Variants in IFT74 observed in about 807,000 individuals in gnomAD.
The protein encoded by IFT74 is intraflagellar transport 74.
In IFT74, 92 loss-of-function variants were observed where a neutral mutation model predicts 96.7. The observed-to-expected ratio is 0.95, with a 90% CI of 0.80 to 1.13. The LOEUF is 1.13. Ranked by LOEUF, IFT74 falls within the 50% of genes most tolerant of loss-of-function variation. IFT74 has a pLI of 0.00. For missense variants in IFT74, 811 were observed against 698.2 expected, an observed-to-expected ratio of 1.16 and a Z score of -1.82; for synonymous variants, 223 against 213.2, an observed-to-expected ratio of 1.05 and a Z score of -0.40.
chr9:27,045,275 G>A (rs996685940), intron 14 of IFT74, among the ~76,000 whole-genome samples: 1 of 152,126 alleles, frequency 6.6e-6, no homozygotes, highest in Admixed American at 6.6e-5. Flanking sequence ...GATGATCTCA[G>A]GTAGAACAGT....
At chr9:27,024,974 TAAAA>T (rs753094409) in intron 12 of IFT74, among the ~76,000 whole-genome samples, 3 of 130,846 alleles carry the variant, frequency 2.3e-5, no homozygotes, top group East Asian at 4.5e-4. Flanking sequence ...AAAAAAGAAT[TAAAA>T]AAAAAAAAAA....
chr9:27,052,923 CGCGATTTTG>C (rs1356175630), intron 16 of IFT74, among the ~76,000 whole-genome samples: 1 of 151,974 alleles, frequency 6.6e-6, no homozygotes, highest in Non-Finnish European at 1.5e-5. Context: ...AGTGCAGTGG[CGCGATTTTG>C]GCTCACTGCA....
At chr9:26,972,226 C>A (rs1826911731) in intron 2 of IFT74, among the ~76,000 whole-genome samples, 1 of 152,094 alleles carries the variant, frequency 6.6e-6, no homozygotes, top group African/African-American at 2.4e-5. Context: ...TGGTCTTATA[C>A]TTTAAAATTC....
intron 12 of IFT74, among the ~76,000 whole-genome samples, chr9:27,025,652 A>ATAGGAGATT (rs1394970895): frequency 3.3e-5 from 5 of 152,126 alleles, no homozygotes. Context: ...CTTAGCAGAA[A>ATAGGAGATT]CCCTACAAGC....
intron 8 of IFT74, among the ~76,000 whole-genome samples, chr9:26,998,895 G>A (rs1162438983): frequency 6.6e-6 from 1 of 152,122 alleles, no homozygotes; most frequent in Non-Finnish European, 1.5e-5. Context: ...TTGGGAGGCT[G>A]AGGCAGGATA....
Position 27,016,994 on chromosome 9 carries a change from G to C in IFT74, c.877G>C (p.Ala293Pro). 1.9e-6 allele frequency: 3 copies of C among 1,610,874 alleles called. No individual in the cohort carries two copies. The highest frequency in any genetic ancestry group is 2.5e-6 in the Non-Finnish European group (3 of 1,178,428). Reference sequence around the variant, plus strand: ...GGAGTCCCATCGAGATCAAATGATTGCAGAAGACAAAAGCATAGGATCTCC... The same window carrying C: ...GGAGTCCCATCGAGATCAAATGATTCCAGAAGACAAAAGCATAGGATCTCC... ...ELESHRDQMIAEDKSIGSPME... is the reference protein window; with the variant it reads ...ELESHRDQMIPEDKSIGSPME... Residue 293 changes from alanine to proline, a missense_variant, in exon 11 of 20, where the codon GCA becomes CCA. Ala to Pro is a conservative substitution (Grantham distance 27, BLOSUM62 -1). Coordinates refer to ENST00000380062, the MANE Select transcript of IFT74 (RefSeq NM_025103.4).
At position 27,064,733 on chromosome 9, in the gene IFT74, C is replaced by CT. The variant is rs1820556467; in HGVS notation, c.*2002dup. 6.6e-6 allele frequency among the ~76,000 whole-genome samples: 1 copy of CT among 151,940 alleles called. No individual in the cohort carries two copies. Among genetic ancestry groups the CT allele is most frequent in the Non-Finnish European group, 1.5e-5 (1 of 67,930 alleles). On this transcript the variant is annotated 3_prime_UTR_variant, in exon 20 of 20. Coordinates refer to ENST00000380062, the MANE Select transcript of IFT74 (RefSeq NM_025103.4). ...TTGAAAGCAAATTTAAATGCCTTTA[C>CT]TTTTTCCTTAGGTTTTTTTTTATGA...
chr9:27,016,027 A>G (rs1199170471), intron 10 of IFT74, among the ~76,000 whole-genome samples: 3 of 152,128 alleles, frequency 2.0e-5, no homozygotes, highest in Non-Finnish European at 4.4e-5. Context: ...GTACACAGTA[A>G]CTGTTATTTC....
chr9:26,964,337 A>C (rs1298847411), intron 2 of IFT74, among the ~76,000 whole-genome samples: 3 of 149,538 alleles, frequency 2.0e-5, no homozygotes, highest in Admixed American at 6.7e-5. Flanking sequence ...CTGTTTTGGT[A>C]CCAGTACCAT....
chr9:26,997,330 CTT>C (rs773530183), intron 8 of IFT74, among the ~76,000 whole-genome samples: 4 of 123,586 alleles, frequency 3.2e-5, no homozygotes, highest in East Asian at 2.9e-4. Context: ...GTTTCCTTTC[CTT>C]TTTTTTTTTT....
At position 26,962,022 on chromosome 9, in the gene IFT74, G is replaced by A. The variant is rs776669259; in HGVS notation, c.55G>A (p.Gly19Arg). The change falls in exon 2 of 20, where the codon GGG becomes AGG. Residue 19 changes from glycine (G) to arginine (R), a missense_variant. By Grantham distance (125) the Gly-to-Arg change is moderately radical. Coordinates refer to ENST00000380062, the MANE Select transcript of IFT74 (RefSeq NM_025103.4). The stretch of plus-strand genomic sequence containing the variant: ...TCGCCCTGTTTCAAGAGGTGGAGTT[G>A]GGTTAACAGGAAGGCCTCCTTCTGG... The part of the protein sequence containing the change: ...AARPVSRGGV[G>R]LTGRPPSGIR... The A allele has an allele frequency of 3.1e-6, 5 of 1,614,030 alleles. No homozygotes were observed. In the Admixed American group the frequency reaches 5.0e-5, roughly 16 times the overall value.
chr9:27,057,867 A>T (rs969145778), intron 18 of IFT74, among the ~76,000 whole-genome samples: 1 of 152,050 alleles, frequency 6.6e-6, no homozygotes. Context: ...CAAAAAAAAA[A>T]CAAAACTCTC....
intron 8 of IFT74, among the ~76,000 whole-genome samples, chr9:27,003,519 T>A (rs1220804216): frequency 6.6e-6 from 1 of 151,504 alleles, no homozygotes; most frequent in African/African-American, 2.4e-5. Context: ...TGAGACTCTG[T>A]CTCAGAAAAA....
intron 10 of IFT74, among the ~76,000 whole-genome samples, chr9:27,016,069 A>G (rs1415208133): frequency 1.3e-5 from 2 of 152,180 alleles, no homozygotes; most frequent in African/African-American, 2.4e-5. Context: ...GCTATAATAG[A>G]ATATCACAAA....
chr9:27,028,950 T>C, intron 12 of IFT74, 75 bp from the exon 13 acceptor site: 1 of 1,341,464 alleles, frequency 7.5e-7, no homozygotes, highest in South Asian at 1.4e-5. Flanking sequence ...GGAAAAGATA[T>C]CTAACCTCCC....
At chr9:27,031,408 A>G (rs1442796776) in intron 13 of IFT74, among the ~76,000 whole-genome samples, 4 of 151,954 alleles carry the variant, frequency 2.6e-5, no homozygotes, top group Non-Finnish European at 4.4e-5. Flanking sequence ...CGGAACTTGC[A>G]GTGAGCCAAG....
At chr9:27,051,795 C>T (rs1458047880) in intron 16 of IFT74, among the ~76,000 whole-genome samples, 1 of 152,134 alleles carries the variant, frequency 6.6e-6, no homozygotes, top group African/African-American at 2.4e-5. Context: ...ATGTATATAT[C>T]ATATTTTAAA....
intron 2 of IFT74, among the ~76,000 whole-genome samples, chr9:26,976,276 TAGAA>T (rs1262173545): frequency 1.3e-5 from 2 of 152,108 alleles, no homozygotes; most frequent in Non-Finnish European, 2.9e-5. Context: ...CCAGAATTGT[TAGAA>T]AGAAAGCTTG....
At chr9:27,024,003 A>G (rs557768659) in intron 12 of IFT74, among the ~76,000 whole-genome samples, 1 of 152,264 alleles carries the variant, frequency 6.6e-6, no homozygotes, top group Non-Finnish European at 1.5e-5. Context: ...ATCCCCCCAT[A>G]CTACTGCAGC....
Sources: allele counts gnomAD v4.1 joint callset (sites outside exome capture counted in the v4.1 genomes callset), GRCh38; gene constraint gnomAD v4.1.1; transcripts MANE v1.5; gene names NCBI Gene and HGNC (gene_info 2026-07-23, HGNC 2026-07-21).